The following TMEM74 variants were observed in gnomAD, a reference collection of about 807,000 sequenced individuals.
The protein encoded by TMEM74 is transmembrane protein 74.
A neutral mutation model predicts 18.1 loss-of-function variants in TMEM74; 13 were observed. That is an observed-to-expected ratio of 0.72 (90% CI 0.47 to 1.14). TMEM74 has a LOEUF of 1.14. Ranked by LOEUF, TMEM74 falls within the 50% of genes most tolerant of loss-of-function variation. The pLI is 0.00. For missense variants in TMEM74, 372 were observed against 375.9 expected (o/e 0.99, Z 0.09); for synonymous variants, 159 against 146.6 (o/e 1.08, Z -0.61).
At chr8:108,622,320 G>A (rs1180122858) in intron 2 of TMEM74, among the ~76,000 whole-genome samples, 2 of 152,068 alleles carry the variant, frequency 1.3e-5, no homozygotes, top group Non-Finnish European at 2.9e-5. Context: ...GGTAGATGTT[G>A]TCAGCTCAGT....
intron 2 of TMEM74, among the ~76,000 whole-genome samples, chr8:108,613,882 A>G (rs1812358889): frequency 1.3e-5 from 2 of 152,164 alleles, no homozygotes; most frequent in South Asian, 4.1e-4. Context: ...CTTTGAGCAC[A>G]TTACCTCATT....
chr8:108,722,962 A>G (rs2130632702), intron 1 of TMEM74, among the ~76,000 whole-genome samples: 1 of 152,252 alleles, frequency 6.6e-6, no homozygotes, highest in Middle Eastern at 3.4e-3. Context: ...TACCACTTAA[A>G]TGAGAAAAGT....
At chr8:108,704,288 C>T (rs1813369577) in intron 1 of TMEM74, among the ~76,000 whole-genome samples, 1 of 152,206 alleles carries the variant, frequency 6.6e-6, no homozygotes, top group Non-Finnish European at 1.5e-5. Context: ...ATGTGTTTAT[C>T]TACACATTTC....
Position 108,787,530 on chromosome 8 carries a change from T to A in TMEM74, c.-94A>T, listed in dbSNP as rs1453039759. Reference sequence around the variant, plus strand: ...AGCACCGCGCGCTCTCCCGGCACGGTTCCCGGAGAAAGTCCCCCAATCACC... The same window carrying A: ...AGCACCGCGCGCTCTCCCGGCACGGATCCCGGAGAAAGTCCCCCAATCACC... On this transcript the variant is annotated 5_prime_UTR_variant, in exon 1 of 2. Transcript: ENST00000297459. 6.6e-6 allele frequency: 1 copy of A among 152,256 alleles called. No homozygotes were observed. The highest frequency in any genetic ancestry group is 1.9e-4 in the East Asian group (1 of 5,158). The allele number at this position is 152,256 out of a possible 1,614,324, so 9.4% of individuals were successfully genotyped here.
chr8:108,699,043 C>A (rs1813308537), intron 1 of TMEM74, among the ~76,000 whole-genome samples: 1 of 152,090 alleles, frequency 6.6e-6, no homozygotes, highest in South Asian at 2.1e-4. Context: ...GCTCTCACTT[C>A]CCATAAATCT....
chr8:108,651,363 G>A (rs1353434042), intron 2 of TMEM74, among the ~76,000 whole-genome samples: 2 of 152,062 alleles, frequency 1.3e-5, no homozygotes, highest in Admixed American at 6.6e-5. Flanking sequence ...AGAATTTCCT[G>A]TGTTTTTCCT....
At chr8:108,714,859 A>G (rs992397594) in intron 1 of TMEM74, among the ~76,000 whole-genome samples, 14 of 152,172 alleles carry the variant, frequency 9.2e-5, no homozygotes, top group Non-Finnish European at 7.4e-5. Flanking sequence ...CAAAGATCAA[A>G]ATCATGTCCT....
chr8:108,660,612 C>T (rs1812890407), intron 1 of TMEM74, among the ~76,000 whole-genome samples: 1 of 152,114 alleles, frequency 6.6e-6, no homozygotes, highest in Non-Finnish European at 1.5e-5. Context: ...TTAAACAATA[C>T]CTAACGTGAT....
chr8:108,705,584 CT>C (rs1813389028), intron 1 of TMEM74, among the ~76,000 whole-genome samples: 1 of 152,122 alleles, frequency 6.6e-6, no homozygotes, highest in African/African-American at 2.4e-5. Context: ...CCTTCTCTTA[CT>C]CCTTAGTTGT....
At chr8:108,653,502 T>A (rs1812793778) in intron 2 of TMEM74, among the ~76,000 whole-genome samples, 1 of 152,172 alleles carries the variant, frequency 6.6e-6, no homozygotes, top group Admixed American at 6.6e-5. Context: ...GTTCACAGGA[T>A]GTACTTGTAT....
chr8:108,688,013 C>T (rs1044656173), intron 1 of TMEM74, among the ~76,000 whole-genome samples: 2 of 152,144 alleles, frequency 1.3e-5, no homozygotes, highest in African/African-American at 4.8e-5. Flanking sequence ...ATATGAAATT[C>T]TTCAAGAAAA....
At chr8:108,607,692 C>T (rs151335203) in exon 4 of TMEM74, 2 of 152,174 alleles carry the variant, frequency 1.3e-5, no homozygotes, top group South Asian at 4.1e-4. Flanking sequence ...ACACTTATGA[C>T]GTTTTCAGTT....
rs1812396291 is a variant in TMEM74 at position 108,617,464 on chromosome 8, C to T, written n.265-8638G>A. 3.9e-5 allele frequency among the ~76,000 whole-genome samples: 6 copies of T among 152,184 alleles called. No homozygotes were observed. The South Asian group carries it at 1.2e-3, about 32-fold the overall frequency. ...TTTTGATTCTGGGGTGTAGGAAGCC[C>T]CACTACCCCACACTGTCTAAAGGGG... On this transcript the variant is annotated intron_variant and non_coding_transcript_variant, in intron 2 of 3. Coordinates refer to the TMEM74 transcript ENST00000518838.
chr8:108,671,877 T>C (rs377261623), intron 1 of TMEM74, among the ~76,000 whole-genome samples: 30 of 152,156 alleles, frequency 2.0e-4, no homozygotes, highest in Middle Eastern at 3.2e-3. Context: ...AATGAGATAA[T>C]ATATGTAAGG....
chr8:108,740,067 T>C (rs999094292), intron 1 of TMEM74, among the ~76,000 whole-genome samples: 6 of 152,096 alleles, frequency 3.9e-5, no homozygotes, highest in East Asian at 1.9e-4. Context: ...ATTTATAAGG[T>C]ACATGTTCTG....
chr8:108,774,675 G>A (rs1213801279), downstream of TMEM74, among the ~76,000 whole-genome samples: 1 of 152,050 alleles, frequency 6.6e-6, no homozygotes, highest in Non-Finnish European at 1.5e-5. Context: ...TGTTTAGGCT[G>A]CTGTTCTCTA....
At chr8:108,712,881 A>G (rs1241273577) in intron 1 of TMEM74, among the ~76,000 whole-genome samples, 2 of 152,208 alleles carry the variant, frequency 1.3e-5, no homozygotes, top group Admixed American at 1.3e-4. Context: ...AGCTTGTGGG[A>G]CATTGCTTCC....
At chr8:108,689,844 G>A (rs1813207141) in intron 1 of TMEM74, among the ~76,000 whole-genome samples, 1 of 152,078 alleles carries the variant, frequency 6.6e-6, no homozygotes, top group Non-Finnish European at 1.5e-5. Flanking sequence ...TATCATTCCT[G>A]TTGGTGTTGT....
chr8:108,725,343 C>A (rs1435359717), intron 1 of TMEM74, among the ~76,000 whole-genome samples: 1 of 152,158 alleles, frequency 6.6e-6, no homozygotes, highest in Non-Finnish European at 1.5e-5. Context: ...ATAAGAGATG[C>A]CTTGTTCATC....
Sources: gnomAD v4.1 joint callset for allele counts (sites outside exome capture counted in the v4.1 genomes callset) on GRCh38, gnomAD v4.1.1 for gene constraint, MANE v1.5 for transcripts, NCBI Gene and HGNC (gene_info 2026-07-23, HGNC 2026-07-21) for gene names.